The following ABCF2 variants were observed in gnomAD, a reference collection of about 807,000 sequenced individuals.
ABCF2 encodes the protein ATP binding cassette subfamily F member 2.
Under a neutral mutation model 76.9 loss-of-function variants are expected in ABCF2, and 37 were observed. The observed-to-expected ratio is 0.48, with a 90% CI of 0.37 to 0.63. The LOEUF (loss-of-function observed/expected upper bound fraction) is 0.63, where lower values mean the gene tolerates loss of function less well. ABCF2 is among the 30% of genes least tolerant of loss of function. The pLI, the probability that ABCF2 is intolerant of heterozygous loss-of-function variation, is 0.00. For missense variants in ABCF2, 524 were observed against 782.1 expected (o/e 0.67, Z 3.94); for synonymous variants, 299 against 283.7 (o/e 1.05, Z -0.54).
At position 151,215,463 on chromosome 7, in the gene ABCF2, G is replaced by C; in HGVS notation, c.1530+141C>G. The C allele has an allele frequency of 9.7e-7, 1 of 1,033,614 alleles. No homozygotes were observed. Among genetic ancestry groups the C allele is most frequent in the South Asian group, 1.5e-5 (1 of 65,496 alleles). The allele number at this position is 1,033,614 out of a possible 1,614,324, so 64.0% of individuals were successfully genotyped here. On this transcript the variant is annotated intron_variant, in intron 13 of 14. Coordinates refer to ENST00000287844, the MANE Select transcript of ABCF2 (RefSeq NM_007189.3). This position sits in a 1 kb window ranked among gnomAD's most constrained non-coding sequence, Gnocchi z 4.6. ...AACAACCTAGAGTAAAGAAAAGGTA[G>C]TAGGTTCTTAGGGGAGTCAAATGGA...
chr7:151,214,016 C>A lies in ABCF2; in HGVS notation c.*38G>T. Reference sequence around the variant, plus strand: ...CTGGTCAGGTTAGCAGCTGTTAGTTCCCAGATGGAGCTCCTGACCCGAACC... The same window carrying A: ...CTGGTCAGGTTAGCAGCTGTTAGTTACCAGATGGAGCTCCTGACCCGAACC... On this transcript the variant is annotated 3_prime_UTR_variant, in exon 15 of 15. Coordinates refer to ENST00000287844, the MANE Select transcript of ABCF2 (RefSeq NM_007189.3). The surrounding 1 kb of genome is among the most constrained non-coding windows in gnomAD (Gnocchi z 4.9). 1.2e-6 allele frequency: 2 copies of A among 1,608,700 alleles called. No homozygotes were observed. Among genetic ancestry groups the A allele is most frequent in the South Asian group, 1.1e-5 (1 of 90,708 alleles).
intron 6 of ABCF2, 140 bp from the exon 7 acceptor site, chr7:151,221,820 T>G: frequency 1.5e-6 from 1 of 665,266 alleles, no homozygotes; most frequent in Non-Finnish European, 2.7e-6. Context: ...AGCAAGCACC[T>G]AAGCCACGAC....
intron 6 of ABCF2, chr7:151,221,897 A>G: frequency 2.0e-6 from 1 of 501,188 alleles, no homozygotes; most frequent in East Asian, 3.5e-5. Flanking sequence ...AGTTTCCTCA[A>G]TCTTCTGTTC....
chr7:151,213,568 C>A lies in ABCF2; in HGVS notation c.*486G>T. 1.0e-6 allele frequency: 1 copy of A among 987,266 alleles called. No homozygotes were observed. The highest frequency in any genetic ancestry group is 1.2e-6 in the Non-Finnish European group (1 of 831,362). The allele number at this position is 987,266 out of a possible 1,614,324, so 61.2% of individuals were successfully genotyped here. A position where few individuals can be genotyped will look rare whatever the true frequency, so the allele number is the denominator to read the frequency against. On this transcript the variant is annotated 3_prime_UTR_variant, in exon 15 of 15. Coordinates refer to ENST00000287844, the MANE Select transcript of ABCF2 (RefSeq NM_007189.3). Reference sequence around the variant, plus strand: ...ATGTCACGCAGGTCTAAAAGTTACACTGCTAAATAATTATTTAAAAACTGA... The same window carrying A: ...ATGTCACGCAGGTCTAAAAGTTACAATGCTAAATAATTATTTAAAAACTGA...
chr7:151,224,699 T>G, intron 3 of ABCF2, 77 bp downstream of exon 3: 1 of 1,364,890 alleles, frequency 7.3e-7, no homozygotes, highest in South Asian at 1.2e-5. Flanking sequence ...CTGAACACAG[T>G]TGATGCTAAA....
Position 151,221,500 on chromosome 7 carries a change from C to CTTTT in ABCF2, c.921+74_921+77dup. ...TACAGGCATGAGCCACCACACCAGC[C>CTTTT]TTTTTTTTTTTTTTTAAAGAGAATT... On this transcript the variant is annotated intron_variant, in intron 7 of 14. Coordinates refer to ENST00000287844, the MANE Select transcript of ABCF2 (RefSeq NM_007189.3). The CTTTT allele has an allele frequency of 4.9e-6, 4 of 816,752 alleles. No individual in the cohort carries two copies. In the South Asian group the frequency reaches 5.0e-5, roughly 10 times the overall value. The allele number at this position is 816,752 out of a possible 1,614,324, so 50.6% of individuals were successfully genotyped here.
intron 2 of ABCF2, 37 bp from the exon 3 acceptor site, chr7:151,225,025 G>A (rs377540508): frequency 2.9e-5 from 46 of 1,585,300 alleles, no homozygotes; most frequent in Admixed American, 2.2e-4. Context: ...GATGGCGTGA[G>A]ACAGACTCGG....
At position 151,214,803 on chromosome 7, in the gene ABCF2, C is replaced by A; in HGVS notation, c.1734+76G>T. On this transcript the variant is annotated intron_variant, in intron 14 of 14. Transcript: ENST00000287844. This position sits in a 1 kb window ranked among gnomAD's most constrained non-coding sequence, Gnocchi z 4.9. ...TAATTCAGTAGGCGGGTATTATGCA[C>A]CCTCCACATGCCATGACTACCCTAC... The A allele has an allele frequency of 1.4e-6, 2 of 1,423,828 alleles. No individual in the cohort carries two copies. Among genetic ancestry groups the A allele is most frequent in the Non-Finnish European group, 2.0e-6 (2 of 1,013,472 alleles). 88.2% of individuals were successfully genotyped at this position (1,423,828 alleles called of 1,614,324 possible). A position where few individuals can be genotyped will look rare whatever the true frequency, so the allele number is the denominator to read the frequency against.
chr7:151,218,467 G>C (rs1049151185), intron 10 of ABCF2, 94 bp downstream of exon 10: 8 of 1,124,146 alleles, frequency 7.1e-6, no homozygotes, highest in Non-Finnish European at 1.0e-5. Context: ...ACGTGGGCTA[G>C]CAGGTGTGGT....
intron 11 of ABCF2, among the ~76,000 whole-genome samples, chr7:151,217,805 G>A (rs1348755779): frequency 1.3e-5 from 2 of 149,516 alleles, no homozygotes; most frequent in Non-Finnish European, 3.0e-5. Flanking sequence ...AAAAAAAAAA[G>A]AAAATAGAAA....
chr7:151,224,351 C>T (rs1351222035), intron 3 of ABCF2, among the ~76,000 whole-genome samples: 12 of 152,244 alleles, frequency 7.9e-5, no homozygotes, highest in African/African-American at 2.9e-4. Flanking sequence ...CAGCTTCACA[C>T]GCCCCTGACC....
At position 151,214,607 on chromosome 7, in the gene ABCF2, C is replaced by T. The variant is rs1179747412; in HGVS notation, c.1734+272G>A. Among the ~76,000 whole-genome samples the T allele has an allele frequency of 2.0e-5, 3 of 152,150 alleles. No homozygotes were observed. The highest frequency in any genetic ancestry group is 4.8e-5 in the African/African-American group (2 of 41,422). Reference sequence around the variant, plus strand: ...AATCTTGGGACAGTAGTAAAAGCACCGTTTTCTACCCAACTCTCTTTCCCA... The same window carrying T: ...AATCTTGGGACAGTAGTAAAAGCACTGTTTTCTACCCAACTCTCTTTCCCA... On this transcript the variant is annotated intron_variant, in intron 14 of 14. Coordinates refer to ENST00000287844, the MANE Select transcript of ABCF2 (RefSeq NM_007189.3). This position sits in a 1 kb window ranked among gnomAD's most constrained non-coding sequence, Gnocchi z 4.9.
chr7:151,212,352 T>C lies in ABCF2; in HGVS notation c.*1702A>G, dbSNP rs539645264. ...TCAACAGTGATGATAACTATGGCTG[T>C]GGACAGGTAAAAATACAAAATTTCC... On this transcript the variant is annotated 3_prime_UTR_variant, in exon 15 of 15. Transcript: ENST00000287844. 2 of 985,454 alleles carry C rather than the reference T, an allele frequency of 2.0e-6. No homozygotes were observed. Among genetic ancestry groups the C allele is most frequent in the East Asian group, 1.1e-4 (1 of 8,826 alleles). The allele number at this position is 985,454 out of a possible 1,614,324, so 61.0% of individuals were successfully genotyped here.
chr7:151,226,202 C>A, intron 2 of ABCF2, 103 bp downstream of exon 2: 1 of 1,325,830 alleles, frequency 7.5e-7, no homozygotes. Context: ...TTGCATGACA[C>A]CAGATACATT....
At chr7:151,222,821 G>C (rs1304185497) in intron 5 of ABCF2, among the ~76,000 whole-genome samples, 1 of 152,168 alleles carries the variant, frequency 6.6e-6, no homozygotes, top group Non-Finnish European at 1.5e-5. Flanking sequence ...GTAGAATACG[G>C]GGCTCAGAAG....
intron 6 of ABCF2, 40 bp from the exon 7 acceptor site, chr7:151,221,720 T>C (rs752063139): frequency 6.2e-6 from 9 of 1,441,624 alleles, no homozygotes; most frequent in East Asian, 2.3e-5. Context: ...AGCTCAACCA[T>C]GGGAGCTAGC....
In ABCF2 at chr7:151,211,909, C is replaced by A. The variant is rs986239718; in HGVS notation, c.*2145G>T. 1 of 985,318 alleles carries A rather than the reference C, an allele frequency of 1.0e-6. No homozygotes were observed. The highest frequency in any genetic ancestry group is 1.2e-6 in the Non-Finnish European group (1 of 829,938). 61.0% of individuals were successfully genotyped at this position (985,318 alleles called of 1,614,324 possible). A position where few individuals can be genotyped will look rare whatever the true frequency, so the allele number is the denominator to read the frequency against. On this transcript the variant is annotated 3_prime_UTR_variant, in exon 15 of 15. Transcript: ENST00000287844. ...AGGCTCCTGTCCCTGTTGCCCAGGG[C>A]AGCTCCTGGACTTTGTGGCCATCTG... is the stretch of plus-strand genomic sequence containing the variant.
chr7:151,216,852 C>A (rs747451211), intron 11 of ABCF2, among the ~76,000 whole-genome samples: 4 of 152,152 alleles, frequency 2.6e-5, no homozygotes, highest in Non-Finnish European at 5.9e-5. Context: ...CATCAAAATA[C>A]ATGTGAGCTA....
chr7:151,215,134 C>T lies in ABCF2; in HGVS notation c.1531-52G>A. The T allele has an allele frequency of 6.7e-7, 1 of 1,491,738 alleles. No individual in the cohort carries two copies. 92.4% of individuals were successfully genotyped at this position (1,491,738 alleles called of 1,614,324 possible). A position where few individuals can be genotyped will look rare whatever the true frequency, so the allele number is the denominator to read the frequency against. On this transcript the variant is annotated intron_variant, in intron 13 of 14. Transcript: ENST00000287844. This position sits in a 1 kb window ranked among gnomAD's most constrained non-coding sequence, Gnocchi z 4.6. ...ACTTGGCATTATCCCCGCCAAACAG[C>T]ACAGCTCATCTCTCCCTCATTTCTC...
Sources: allele counts gnomAD v4.1 joint callset (sites outside exome capture counted in the v4.1 genomes callset), GRCh38; gene constraint gnomAD v4.1.1; non-coding constraint Gnocchi (gnomAD v3.1); transcripts MANE v1.5; gene names NCBI Gene and HGNC (gene_info 2026-07-23, HGNC 2026-07-21).